RLF: variants seen among roughly 807,000 people sequenced by gnomAD.
RLF encodes RLF zinc finger, also known as zinc finger protein Rlf.
RLF carries 7 observed loss-of-function variants against 162.9 expected under a neutral mutation model. That is an observed-to-expected ratio of 0.04 (90% CI 0.02 to 0.08). The LOEUF is 0.08. Ranked by LOEUF, RLF falls within the 10% of genes least tolerant of loss-of-function variation. RLF has a pLI of 1.00. For missense variants in RLF, 1,664 were observed against 2,244.7 expected, an observed-to-expected ratio of 0.74 and a Z score of 5.23; for synonymous variants, 782 against 791.5, an observed-to-expected ratio of 0.99 and a Z score of 0.20.
At chr1:40,230,814 A>G (rs1030349489) in intron 6 of RLF, among the ~76,000 whole-genome samples, 3 of 152,062 alleles carry the variant, frequency 2.0e-5, no homozygotes, top group Non-Finnish European at 4.4e-5. Flanking sequence ...CACATTTTAC[A>G]TTCTCTCATT....
In RLF at chr1:40,221,899, C is replaced by CAAAAAAAAAAAAAAAAA. The variant is rs895455745; in HGVS notation, c.811-672_811-656dup. ...TGGGCGACACAGCGAGACTCCGTCT[C>CAAAAAAAAAAAAAAAAA]AAAAAAAAAAAAAAAAAAAGAGAAA... On this transcript the variant is annotated intron_variant, in intron 5 of 7. Coordinates refer to ENST00000372771, the MANE Select transcript of RLF (RefSeq NM_012421.4). 1.6e-3 allele frequency among the ~76,000 whole-genome samples: 106 copies of CAAAAAAAAAAAAAAAAA among 65,002 alleles called. 1 individual carries two copies. Among genetic ancestry groups the CAAAAAAAAAAAAAAAAA allele is most frequent in the South Asian group, 0.014 (19 of 1,396 alleles). The allele number at this position is 65,002 out of a possible 152,430, so 42.6% of individuals were successfully genotyped here. A position where few individuals can be genotyped will look rare whatever the true frequency, so the allele number is the denominator to read the frequency against.
At chr1:40,226,964 A>G (rs887648495) in intron 6 of RLF, among the ~76,000 whole-genome samples, 5 of 152,178 alleles carry the variant, frequency 3.3e-5, no homozygotes, top group Admixed American at 2.6e-4. Flanking sequence ...TCCCGGGTTC[A>G]AGTGATTCTC....
intron 3 of RLF, among the ~76,000 whole-genome samples, chr1:40,193,557 C>T (rs1642589212): frequency 6.6e-6 from 1 of 152,142 alleles, no homozygotes; most frequent in South Asian, 2.1e-4. Flanking sequence ...TTCACATGGA[C>T]TTTTTCTCCT....
At chr1:40,212,332 C>A (rs1374772874) in intron 5 of RLF, among the ~76,000 whole-genome samples, 1 of 152,096 alleles carries the variant, frequency 6.6e-6, no homozygotes, top group African/African-American at 2.4e-5. Context: ...TCTGGTAGGT[C>A]TGGAAGGCAG....
chr1:40,192,899 C>T (rs1236171811), intron 3 of RLF, among the ~76,000 whole-genome samples: 1 of 152,064 alleles, frequency 6.6e-6, no homozygotes, highest in Admixed American at 6.6e-5. Context: ...TAAAAATATA[C>T]ACTCTGCAAA....
At chr1:40,226,355 G>C (rs1342379257) in intron 6 of RLF, among the ~76,000 whole-genome samples, 1 of 152,158 alleles carries the variant, frequency 6.6e-6, no homozygotes, top group African/African-American at 2.4e-5. Flanking sequence ...TGTATATAGA[G>C]AGGTGTAATT....
At chr1:40,217,376 A>G (rs1642937752) in intron 5 of RLF, among the ~76,000 whole-genome samples, 1 of 152,140 alleles carries the variant, frequency 6.6e-6, no homozygotes, top group African/African-American at 2.4e-5. Flanking sequence ...CTGAGGCAGG[A>G]GAGAGGATCA....
intron 5 of RLF, among the ~76,000 whole-genome samples, chr1:40,205,244 G>A (rs1642774602): frequency 2.0e-5 from 3 of 151,692 alleles, no homozygotes; most frequent in Non-Finnish European, 2.9e-5. Flanking sequence ...GCTTGAGCCC[G>A]GGAATTGCTT....
chr1:40,189,445 A>G (rs1642528033), intron 2 of RLF, among the ~76,000 whole-genome samples: 1 of 152,176 alleles, frequency 6.6e-6, no homozygotes, highest in African/African-American at 2.4e-5. Context: ...CAGGCTTGGA[A>G]TCTGAGAATG....
rs758418091 is a variant in RLF, at chr1:40,222,551, CT to C, written c.811-21del. 3 of 1,604,612 alleles carry C rather than the reference CT, an allele frequency of 1.9e-6. No individual in the cohort carries two copies. The South Asian group carries it at 3.4e-5, about 18-fold the overall frequency. The stretch of plus-strand genomic sequence containing the variant: ...TGAAAAGTCACCATTTTCTTTTTGA[CT>C]TAGTCATCTCATTTTTGATAGATTG... On this transcript the variant is annotated intron_variant, in intron 5 of 7. Transcript: ENST00000372771.
At chr1:40,231,406 TTTG>T (rs1234229268) in intron 6 of RLF, 108 bp from the exon 7 acceptor site, 1 of 843,896 alleles carries the variant, frequency 1.2e-6, no homozygotes, top group Admixed American at 2.5e-5. Flanking sequence ...TAATCTAGTT[TTTG>T]TTTTCTCTAC....
intron 1 of RLF, among the ~76,000 whole-genome samples, chr1:40,184,303 A>G (rs377715582): frequency 1.3e-5 from 2 of 152,222 alleles, no homozygotes; most frequent in African/African-American, 4.8e-5. Context: ...ATACAGAACT[A>G]GAGGTTATTT....
chr1:40,161,540 G>C lies in RLF; in HGVS notation c.141G>C (p.Ser47=). The change falls in exon 1 of 8, where the codon TCG becomes TCC. Residue 47 remains serine (S), a synonymous_variant. Transcript: ENST00000372771. This position sits in a 1 kb window ranked among gnomAD's most constrained non-coding sequence, Gnocchi z 4.4. ...CCGTATCTCCAGCGCCGGGAGCCTC[G>C]GGACTGCGGCCGTGTCTGTGGCAGC... is the stretch of plus-strand genomic sequence containing the variant. The part of the protein sequence containing the change: ...HRPVSPAPGA[S]GLRPCLWQLE... 1.9e-6 allele frequency: 3 copies of C among 1,607,454 alleles called. No individual in the cohort carries two copies. The highest frequency in any genetic ancestry group is 2.3e-5 in the East Asian group (1 of 43,950).
chr1:40,161,701 C>A lies in RLF; in HGVS notation c.237+65C>A. ...GAAGTCAGGGAAGGAGGCCCTGGAT[C>A]CTCTGTAAGCAGCCGGGTCCAAACT... On this transcript the variant is annotated intron_variant, in intron 1 of 7. Transcript: ENST00000372771. This position sits in a 1 kb window ranked among gnomAD's most constrained non-coding sequence, Gnocchi z 4.4. 6.4e-7 allele frequency: 1 copy of A among 1,574,558 alleles called. No individual in the cohort carries two copies. The highest frequency in any genetic ancestry group is 2.3e-5 in the East Asian group (1 of 43,002).
chr1:40,240,486 T>G lies in RLF; in HGVS notation c.*39T>G, dbSNP rs757928406. Reference sequence around the variant, plus strand: ...TTTAGTAACAGACTGGCTCCAACACTGCAACATGGGGACATTTGCCAACTC... The same window carrying G: ...TTTAGTAACAGACTGGCTCCAACACGGCAACATGGGGACATTTGCCAACTC... On this transcript the variant is annotated 3_prime_UTR_variant, in exon 8 of 8. Coordinates refer to ENST00000372771, the MANE Select transcript of RLF (RefSeq NM_012421.4). 1 of 1,437,494 alleles carries G rather than the reference T, an allele frequency of 7.0e-7. No homozygotes were observed. The highest frequency in any genetic ancestry group is 1.2e-5 in the South Asian group (1 of 80,432). 89.0% of individuals were successfully genotyped at this position (1,437,494 alleles called of 1,614,324 possible). A position where few individuals can be genotyped will look rare whatever the true frequency, so the allele number is the denominator to read the frequency against.
At chr1:40,189,964 T>C (rs1350983415) in intron 2 of RLF, among the ~76,000 whole-genome samples, 2 of 152,212 alleles carry the variant, frequency 1.3e-5, no homozygotes, top group East Asian at 3.8e-4. Context: ...ACAGATTGTT[T>C]AGTGAGATGA....
rs1409963061 is a variant in RLF at position 40,240,491 on chromosome 1, C to A, written c.*44C>A. The A allele has an allele frequency of 3.6e-6, 5 of 1,390,154 alleles. No individual in the cohort carries two copies. Among genetic ancestry groups the A allele is most frequent in the Non-Finnish European group, 5.0e-6 (5 of 998,458 alleles). 86.1% of individuals were successfully genotyped at this position (1,390,154 alleles called of 1,614,324 possible). On this transcript the variant is annotated 3_prime_UTR_variant, in exon 8 of 8. Coordinates refer to ENST00000372771, the MANE Select transcript of RLF (RefSeq NM_012421.4). ...TAACAGACTGGCTCCAACACTGCAA[C>A]ATGGGGACATTTGCCAACTCGAACA...
At chr1:40,197,863 C>A (rs538142573) in intron 4 of RLF, among the ~76,000 whole-genome samples, 1 of 152,172 alleles carries the variant, frequency 6.6e-6, no homozygotes, top group South Asian at 2.1e-4. Context: ...CCCTGCAGGC[C>A]AGATATTTAA....
chr1:40,189,426 T>C (rs1296230667), intron 2 of RLF, among the ~76,000 whole-genome samples: 1 of 152,212 alleles, frequency 6.6e-6, no homozygotes, highest in African/African-American at 2.4e-5. Flanking sequence ...TAGAGTCTCT[T>C]TTCCTATTCA....
Sources: gnomAD v4.1 joint callset for allele counts (sites outside exome capture counted in the v4.1 genomes callset) on GRCh38, gnomAD v4.1.1 for gene constraint, Gnocchi (gnomAD v3.1) non-coding constraint, MANE v1.5 for transcripts, NCBI Gene and HGNC (gene_info 2026-07-23, HGNC 2026-07-21) for gene names.